Variants in CDC42BPA observed in about 807,000 individuals in gnomAD.
CDC42BPA encodes the protein CDC42 binding protein kinase alpha, also known as serine/threonine-protein kinase MRCK alpha.
In CDC42BPA, 80 loss-of-function variants were observed where a neutral mutation model predicts 223.5. The observed-to-expected ratio is 0.36, with a 90% CI of 0.30 to 0.43. CDC42BPA has a LOEUF of 0.43. CDC42BPA is among the 20% of genes least tolerant of loss of function. The pLI is 1.00. For missense variants in CDC42BPA, 1,743 were observed against 2,099.9 expected (o/e 0.83, Z 3.32); for synonymous variants, 694 against 718.6 (o/e 0.97, Z 0.55).
intron 22 of CDC42BPA, among the ~76,000 whole-genome samples, chr1:227,048,269 T>C (rs939275982): frequency 3.3e-5 from 5 of 152,064 alleles, no homozygotes; most frequent in African/African-American, 1.2e-4. Flanking sequence ...ATAAATCATT[T>C]GGATCAAATG....
At chr1:227,261,805 T>A (rs901361012) in intron 1 of CDC42BPA, among the ~76,000 whole-genome samples, 1 of 152,006 alleles carries the variant, frequency 6.6e-6, no homozygotes, top group Non-Finnish European at 1.5e-5. Flanking sequence ...TTTCCCCATG[T>A]CAGGGAATAA....
Position 227,145,757 on chromosome 1 carries a change from A to C in CDC42BPA, c.895-20T>G, listed in dbSNP as rs373542674. The stretch of plus-strand genomic sequence containing the variant: ...CCTCTCCTAAACAGAGAAAAACAGA[A>C]ACAAAATATAAATCAGTGTTTAACA... On this transcript the variant is annotated intron_variant, in intron 7 of 36. Transcript: ENST00000366766. 5 of 1,590,424 alleles carry C rather than the reference A, an allele frequency of 3.1e-6. No homozygotes were observed. The African/African-American group carries it at 5.4e-5, about 17-fold the overall frequency.
intron 21 of CDC42BPA, among the ~76,000 whole-genome samples, chr1:227,062,466 T>C (rs1382140493): frequency 3.9e-5 from 6 of 152,218 alleles, no homozygotes; most frequent in Non-Finnish European, 8.8e-5. Flanking sequence ...CATGGTGTTA[T>C]AGTTATCTGG....
intron 1 of CDC42BPA, among the ~76,000 whole-genome samples, chr1:227,281,426 A>G (rs1315480316): frequency 6.6e-6 from 1 of 152,180 alleles, no homozygotes; most frequent in Non-Finnish European, 1.5e-5. Context: ...TACAACTGCC[A>G]GCCCCATTCC....
rs114429124 is a variant in CDC42BPA at position 227,013,838 on chromosome 1, C to A, written c.4857+2242G>T. On this transcript the variant is annotated intron_variant, in intron 34 of 36. Coordinates refer to ENST00000366766, the MANE Select transcript of CDC42BPA (RefSeq NM_001394014.1). The stretch of plus-strand genomic sequence containing the variant: ...CAACTTACATATTTGAAATTTGTAT[C>A]CTGCTACCCCTACATAATTCTAACT... 4.2e-3 allele frequency among the ~76,000 whole-genome samples: 631 copies of A among 151,938 alleles called. 5 individuals carry two copies. The highest frequency in any genetic ancestry group is 0.015 in the African/African-American group (611 of 41,482).
intron 21 of CDC42BPA, among the ~76,000 whole-genome samples, chr1:227,060,403 T>C (rs973843508): frequency 2.0e-5 from 3 of 152,148 alleles, no homozygotes; most frequent in African/African-American, 7.2e-5. Context: ...GAGCTCACAA[T>C]ACGTTGGATA....
rs2148642011 is a variant in CDC42BPA at position 227,028,839 on chromosome 1, A to G, written c.4250T>C (p.Leu1417Pro). 1.2e-6 allele frequency: 2 copies of G among 1,614,034 alleles called. No individual in the cohort carries two copies. The highest frequency in any genetic ancestry group is 1.7e-6 in the Non-Finnish European group (2 of 1,179,932). The change falls in exon 30 of 37, where the codon CTC becomes CCC. Residue 1417 changes from leucine to proline, a missense_variant. Leu to Pro is a moderately conservative substitution (Grantham distance 98, BLOSUM62 -3). Around this residue, in one of 6 missense-constraint regions of CDC42BPA, gnomAD observed 678 missense variants for 777.5 expected, o/e 0.87. Coordinates refer to ENST00000366766, the MANE Select transcript of CDC42BPA (RefSeq NM_001394014.1). ...LNGEGNPYSM[L>P]HSNDHTLSFI... The stretch of plus-strand genomic sequence containing the variant: ...TGATAGTGTATGGTCATTTGAATGG[A>G]GCATACTGTATGGATTTCCTTCTCC...
intron 2 of CDC42BPA, among the ~76,000 whole-genome samples, chr1:227,230,443 T>G (rs988293144): frequency 6.6e-6 from 1 of 152,216 alleles, no homozygotes; most frequent in Non-Finnish European, 1.5e-5. Flanking sequence ...GTTACAAATA[T>G]GTTGTACTAT....
intron 1 of CDC42BPA, among the ~76,000 whole-genome samples, chr1:227,311,980 T>A (rs1315700560): frequency 6.6e-6 from 1 of 152,232 alleles, no homozygotes; most frequent in African/African-American, 2.4e-5. Context: ...ATATTTTCAC[T>A]GTTTAACAGT....
chr1:227,048,035 A>G (rs904664082), intron 22 of CDC42BPA, 25 bp from the exon 23 acceptor site: 23 of 1,405,160 alleles, frequency 1.6e-5, no homozygotes, highest in African/African-American at 2.8e-5. Flanking sequence ...AAAAAAGGAA[A>G]TAAATGTCAT....
At chr1:227,286,145 C>T (rs1209597259) in intron 1 of CDC42BPA, among the ~76,000 whole-genome samples, 2 of 151,776 alleles carry the variant, frequency 1.3e-5, no homozygotes, top group African/African-American at 4.9e-5. Flanking sequence ...CCTGAAAACA[C>T]TTCTTCCTTC....
Position 227,030,473 on chromosome 1 carries a change from A to G in CDC42BPA, c.3776-3T>C. On this transcript the variant is annotated splice_region_variant and splice_polypyrimidine_tract_variant and intron_variant, in intron 28 of 36. Transcript: ENST00000366766. ...TCCCAAAGCAATTCTTTCATGATCT[A>G]TGTAAGACATGAATGTGAAAGATTT... 4 of 1,561,796 alleles carry G rather than the reference A, an allele frequency of 2.6e-6. No individual in the cohort carries two copies. Among genetic ancestry groups the G allele is most frequent in the Non-Finnish European group, 3.5e-6 (4 of 1,147,086 alleles).
intron 10 of CDC42BPA, among the ~76,000 whole-genome samples, chr1:227,135,300 T>C (rs2149567542): frequency 6.6e-6 from 1 of 152,296 alleles, no homozygotes; most frequent in South Asian, 2.1e-4. Context: ...TTAGGGAGCT[T>C]TGAAAAGTCA....
chr1:227,237,354 G>A (rs1165773859), intron 2 of CDC42BPA, among the ~76,000 whole-genome samples: 1 of 152,066 alleles, frequency 6.6e-6, no homozygotes, highest in Non-Finnish European at 1.5e-5. Flanking sequence ...TCCCACTCCT[G>A]TCTACCCCAT....
intron 16 of CDC42BPA, among the ~76,000 whole-genome samples, chr1:227,085,449 G>A (rs1681657014): frequency 6.6e-6 from 1 of 152,196 alleles, no homozygotes; most frequent in Non-Finnish European, 1.5e-5. Context: ...TTTGGCCAGA[G>A]GCCATAGTTT....
At chr1:227,231,149 C>T (rs1346019527) in intron 2 of CDC42BPA, among the ~76,000 whole-genome samples, 1 of 126,870 alleles carries the variant, frequency 7.9e-6, no homozygotes, top group Non-Finnish European at 1.6e-5. Flanking sequence ...CCCCACCCCA[C>T]GACAGGCCCC....
rs111244469 is a variant in CDC42BPA, at chr1:226,999,908, C to T, written c.4976-4928G>A. Among the ~76,000 whole-genome samples the T allele has an allele frequency of 5.3e-3, 784 of 147,510 alleles. 6 individuals carry two copies. The highest frequency in any genetic ancestry group is 0.019 in the African/African-American group (742 of 39,486). On this transcript the variant is annotated intron_variant, in intron 35 of 36. Coordinates refer to ENST00000366766, the MANE Select transcript of CDC42BPA (RefSeq NM_001394014.1). ...AGTGGGAGTTGAACAATGAGAATAC[C>T]CAGACACAGGGAGGGGAATATCACA...
chr1:227,269,714 A>T (rs1388193760), intron 1 of CDC42BPA, among the ~76,000 whole-genome samples: 2 of 152,150 alleles, frequency 1.3e-5, no homozygotes, highest in African/African-American at 4.8e-5. Context: ...GCAATTCAAA[A>T]CAAAAGAAAA....
intron 3 of CDC42BPA, among the ~76,000 whole-genome samples, chr1:227,212,533 C>A (rs941927976): frequency 6.6e-6 from 1 of 152,068 alleles, no homozygotes; most frequent in African/African-American, 2.4e-5. Context: ...GCGGACCCCC[C>A]AGAAGTCCAC....
Sources: allele counts gnomAD v4.1 joint callset (sites outside exome capture counted in the v4.1 genomes callset), GRCh38; gene constraint gnomAD v4.1.1; regional missense constraint gnomAD v4.1.1; transcripts MANE v1.5; gene names NCBI Gene and HGNC (gene_info 2026-07-23, HGNC 2026-07-21).